Variants in FBXL7 observed in about 807,000 individuals in gnomAD.
FBXL7 encodes the protein F-box and leucine rich repeat protein 7.
Under a neutral mutation model 38.3 loss-of-function variants are expected in FBXL7, and 12 were observed. That is an observed-to-expected ratio of 0.31 (90% CI 0.20 to 0.51). The LOEUF is 0.51. FBXL7 is among the 20% of genes least tolerant of loss of function. The pLI is 0.98. For synonymous variants in FBXL7, 297 were observed against 300.9 expected (o/e 0.99, Z 0.13); for missense variants, 567 against 676.4 (o/e 0.84, Z 1.79).
chr5:15,566,484 A>G (rs1183000562), intron 1 of FBXL7, among the ~76,000 whole-genome samples: 1 of 152,156 alleles, frequency 6.6e-6, no homozygotes, highest in Admixed American at 6.6e-5. Flanking sequence ...CAACTTGAGT[A>G]ACTACCATGT....
chr5:15,654,851 A>G (rs1580437073), intron 2 of FBXL7, among the ~76,000 whole-genome samples: 1 of 152,174 alleles, frequency 6.6e-6, no homozygotes, highest in African/African-American at 2.4e-5. Context: ...GTCTTACTTT[A>G]TTTTTATATA....
intron 2 of FBXL7, among the ~76,000 whole-genome samples, chr5:15,825,450 A>G (rs1314688602): frequency 3.3e-5 from 5 of 152,204 alleles, no homozygotes. Context: ...GTTGTAAAAT[A>G]TCAAATAGAT....
At chr5:15,554,559 G>GA (rs1738176622) in intron 1 of FBXL7, among the ~76,000 whole-genome samples, 1 of 152,174 alleles carries the variant, frequency 6.6e-6, no homozygotes, top group African/African-American at 2.4e-5. Flanking sequence ...ATAATTTGCT[G>GA]AAAAAATTTG....
chr5:15,741,088 C>T (rs1377055189), intron 2 of FBXL7, among the ~76,000 whole-genome samples: 1 of 152,130 alleles, frequency 6.6e-6, no homozygotes, highest in Non-Finnish European at 1.5e-5. Context: ...GAATATTTCT[C>T]AATGCAAACA....
chr5:15,709,110 G>A (rs146311089), intron 2 of FBXL7, among the ~76,000 whole-genome samples: 71 of 152,302 alleles, frequency 4.7e-4, no homozygotes, highest in African/African-American at 1.6e-3. Context: ...GAAAACAGGA[G>A]CATCTGCTTT....
intron 2 of FBXL7, among the ~76,000 whole-genome samples, chr5:15,865,029 G>A (rs1739644958): frequency 6.6e-6 from 1 of 152,180 alleles, no homozygotes; most frequent in South Asian, 2.1e-4. Context: ...ATTTCTGGCA[G>A]TGCTGCTTTC....
At chr5:15,603,556 A>C (rs928326926) in intron 1 of FBXL7, among the ~76,000 whole-genome samples, 1 of 152,070 alleles carries the variant, frequency 6.6e-6, no homozygotes, top group African/African-American at 2.4e-5. Flanking sequence ...GGAATTCTCC[A>C]CTCTGTGTAG....
At chr5:15,624,190 T>G (rs1740735394) in intron 2 of FBXL7, among the ~76,000 whole-genome samples, 1 of 152,136 alleles carries the variant, frequency 6.6e-6, no homozygotes, top group Admixed American at 6.5e-5. Context: ...ATTGCTATGG[T>G]TTGGATGTGG....
At chr5:15,850,010 C>G (rs1199004364) in intron 2 of FBXL7, among the ~76,000 whole-genome samples, 2 of 152,132 alleles carry the variant, frequency 1.3e-5, no homozygotes, top group Non-Finnish European at 2.9e-5. Context: ...GGACTTGAAC[C>G]CAGTCTATTT....
At chr5:15,864,001 C>A (rs1243435388) in intron 2 of FBXL7, among the ~76,000 whole-genome samples, 1 of 151,776 alleles carries the variant, frequency 6.6e-6, no homozygotes, top group Admixed American at 6.6e-5. Context: ...GTATTGAGGA[C>A]TGTGATGTGC....
intron 1 of FBXL7, among the ~76,000 whole-genome samples, chr5:15,507,870 C>T (rs909267078): frequency 6.6e-6 from 1 of 151,886 alleles, no homozygotes; most frequent in Non-Finnish European, 1.5e-5. Context: ...TGGTGAAACC[C>T]GGTGTCTACT....
At position 15,500,363 on chromosome 5, in the gene FBXL7, GCGGCGCGGTGAGCCTCTGGGCGGCCC is replaced by G. The variant is rs1736454529; in HGVS notation, c.-310_-285del. On this transcript the variant is annotated 5_prime_UTR_variant, in exon 1 of 4. The change abolishes the stop of an existing upstream ORF in the 5' untranslated region. Transcript: ENST00000504595. ...GCGGGCGGATGGGGACCCGGCGGCG[GCGGCGCGGTGAGCCTCTGGGCGGCCC>G]CGGGGCGCGGGCTGTGCGCGGCGCT... 6.4e-6 allele frequency: 1 copy of G among 157,006 alleles called. No homozygotes were observed. The highest frequency in any genetic ancestry group is 2.4e-5 in the African/African-American group (1 of 41,324). The allele number at this position is 157,006 out of a possible 1,614,324, so 9.7% of individuals were successfully genotyped here.
intron 2 of FBXL7, among the ~76,000 whole-genome samples, chr5:15,673,257 A>C (rs936020733): frequency 6.6e-6 from 1 of 151,260 alleles, no homozygotes; most frequent in South Asian, 2.1e-4. Flanking sequence ...CAGAGGTTGC[A>C]GTGAGCCGAG....
At chr5:15,654,575 C>T (rs542550622) in intron 2 of FBXL7, among the ~76,000 whole-genome samples, 2 of 152,180 alleles carry the variant, frequency 1.3e-5, no homozygotes, top group African/African-American at 4.8e-5. Flanking sequence ...ATTTTTGTCT[C>T]GAATTTAGTA....
intron 1 of FBXL7, among the ~76,000 whole-genome samples, chr5:15,581,854 C>T (rs1014049596): frequency 6.6e-6 from 1 of 152,060 alleles, no homozygotes; most frequent in Non-Finnish European, 1.5e-5. Context: ...GTCAGATACC[C>T]GGCTCCCTCC....
intron 2 of FBXL7, among the ~76,000 whole-genome samples, chr5:15,774,703 A>G (rs979063034): frequency 3.9e-5 from 6 of 152,248 alleles, no homozygotes; most frequent in African/African-American, 1.4e-4. Context: ...AATTAAAACA[A>G]TAATAGTTTA....
chr5:15,538,288 A>G (rs1398508052), intron 1 of FBXL7, among the ~76,000 whole-genome samples: 2 of 152,226 alleles, frequency 1.3e-5, no homozygotes, highest in East Asian at 3.8e-4. Context: ...AAAATTCCTG[A>G]TCCCATTTAA....
At chr5:15,875,883 C>CAG (rs1485721758) in intron 2 of FBXL7, among the ~76,000 whole-genome samples, 44 of 152,196 alleles carry the variant, frequency 2.9e-4, no homozygotes, top group Middle Eastern at 3.4e-3. Context: ...ACCATTTGAC[C>CAG]CAGCAATCCC....
intron 2 of FBXL7, among the ~76,000 whole-genome samples, chr5:15,648,415 T>C (rs940440147): frequency 6.6e-6 from 1 of 152,228 alleles, no homozygotes; most frequent in African/African-American, 2.4e-5. Flanking sequence ...TAGTCGCTTA[T>C]TAAGGGACAC....
Sources: gnomAD v4.1 joint callset for allele counts (sites outside exome capture counted in the v4.1 genomes callset) on GRCh38, gnomAD v4.1.1 for gene constraint, MANE v1.5 for transcripts, NCBI Gene and HGNC (gene_info 2026-07-23, HGNC 2026-07-21) for gene names.